Variants in TRHDE observed in about 807,000 individuals in gnomAD.
TRHDE encodes the protein thyrotropin-releasing hormone-degrading ectoenzyme.
TRHDE carries 72 observed loss-of-function variants against 125.7 expected under a neutral mutation model. The ratio of observed to expected loss-of-function variants is 0.57; its 90% confidence interval spans 0.47 to 0.70. TRHDE has a LOEUF of 0.70. Among genes scored for constraint, TRHDE ranks in the 30% least tolerant of loss-of-function variants. TRHDE has a pLI of 0.00. For synonymous variants in TRHDE, 509 were observed against 509.1 expected, an observed-to-expected ratio of 1.00 and a Z score of 0.00; for missense variants, 1,110 against 1,327.1, an observed-to-expected ratio of 0.84 and a Z score of 2.54.
At chr12:72,439,382 C>T (rs1874893721) in intron 3 of TRHDE, among the ~76,000 whole-genome samples, 1 of 151,716 alleles carries the variant, frequency 6.6e-6, no homozygotes, top group South Asian at 2.1e-4. Context: ...CTATAAATTG[C>T]TTTGAGTAAT....
At chr12:72,173,628 A>C (rs545757624) in intron 2 of TRHDE, among the ~76,000 whole-genome samples, 1 of 152,260 alleles carries the variant, frequency 6.6e-6, no homozygotes, top group South Asian at 2.1e-4. Context: ...CCAATACTTC[A>C]ATGGGACTTA....
At chr12:72,479,617 A>G (rs555534552) in intron 5 of TRHDE, among the ~76,000 whole-genome samples, 82 of 149,738 alleles carry the variant, frequency 5.5e-4, no homozygotes, top group Non-Finnish European at 9.5e-4. Context: ...AATTAAAAAA[A>G]TTATACATGT....
intron 2 of TRHDE, among the ~76,000 whole-genome samples, chr12:72,130,914 T>G (rs1191820064): frequency 6.6e-6 from 1 of 152,130 alleles, no homozygotes; most frequent in Non-Finnish European, 1.5e-5. Context: ...TCCTGGTGGA[T>G]TGTAAACTGG....
intron 7 of TRHDE, among the ~76,000 whole-genome samples, chr12:72,549,944 A>G (rs1010249906): frequency 4.0e-5 from 6 of 151,784 alleles, no homozygotes; most frequent in Non-Finnish European, 7.4e-5. Context: ...AATATTAACT[A>G]AAAAACTCGT....
chr12:72,652,581 T>C (rs1874549646), intron 16 of TRHDE, 92 bp downstream of exon 16: 1 of 902,188 alleles, frequency 1.1e-6, no homozygotes, highest in South Asian at 2.0e-5. Flanking sequence ...CTTGAATATA[T>C]GCTAGTTATT....
rs1326445240 is a variant in TRHDE, at chr12:72,240,311, ATATATATATATATATATTTGTGTG to A, written n.279+134573_279+134596del. Reference sequence around the variant, plus strand: ...GGTATGTCCTTCTCACATTTTATATATATATATATATATATATTTGTGTGTATATATATATATTTGTGTATATAT... The same window carrying A: ...GGTATGTCCTTCTCACATTTTATATATATATATATATATTTGTGTATATAT... On this transcript the variant is annotated intron_variant and non_coding_transcript_variant, in intron 2 of 4. Transcript: ENST00000548156. Among the ~76,000 whole-genome samples, 31 of 145,896 alleles carry A rather than the reference ATATATATATATATATATTTGTGTG, an allele frequency of 2.1e-4. No individual in the cohort carries two copies. The East Asian group carries it at 4.7e-3, about 22-fold the overall frequency.
At chr12:72,369,769 T>C (rs768970774) in intron 2 of TRHDE, among the ~76,000 whole-genome samples, 6 of 152,124 alleles carry the variant, frequency 3.9e-5, no homozygotes, top group Non-Finnish European at 5.9e-5. Flanking sequence ...GTTTGGTTTA[T>C]ATTGGTTGTT....
intron 3 of TRHDE, among the ~76,000 whole-genome samples, chr12:72,380,261 A>C (rs1051038019): frequency 6.6e-6 from 1 of 152,224 alleles, no homozygotes; most frequent in African/African-American, 2.4e-5. Context: ...TGAATGAACA[A>C]GGCAAAAATC....
intron 3 of TRHDE, among the ~76,000 whole-genome samples, chr12:72,437,018 C>G (rs1462562174): frequency 6.6e-6 from 1 of 151,768 alleles, no homozygotes; most frequent in Admixed American, 6.6e-5. Context: ...ATACATATAT[C>G]TATATCCCCT....
intron 6 of TRHDE, among the ~76,000 whole-genome samples, chr12:72,540,906 A>G (rs1397833546): frequency 1.3e-5 from 2 of 151,726 alleles, no homozygotes; most frequent in African/African-American, 4.8e-5. Flanking sequence ...AGAATAAAAT[A>G]CTGACTTGGG....
At chr12:72,232,386 G>C (rs1822265038) in intron 2 of TRHDE, among the ~76,000 whole-genome samples, 1 of 152,126 alleles carries the variant, frequency 6.6e-6, no homozygotes, top group Non-Finnish European at 1.5e-5. Context: ...CTGCCTCCAG[G>C]TGTGTGAAAG....
intron 3 of TRHDE, among the ~76,000 whole-genome samples, chr12:72,407,684 T>A (rs562276095): frequency 6.6e-6 from 1 of 152,346 alleles, no homozygotes; most frequent in South Asian, 2.1e-4. Context: ...ATCATTTAAT[T>A]CACTTTTCTC....
chr12:72,593,563 C>T (rs542505690), intron 12 of TRHDE, among the ~76,000 whole-genome samples: 4 of 151,846 alleles, frequency 2.6e-5, no homozygotes, highest in Non-Finnish European at 4.4e-5. Context: ...CTGTGCACAA[C>T]GTGCAGGTTT....
intron 2 of TRHDE, among the ~76,000 whole-genome samples, chr12:72,128,491 A>G (rs1044353476): frequency 6.6e-6 from 1 of 152,234 alleles, no homozygotes; most frequent in Admixed American, 6.5e-5. Flanking sequence ...GAACTGACAC[A>G]GATGTTAAAT....
intron 1 of TRHDE, among the ~76,000 whole-genome samples, chr12:72,088,767 G>T (rs377110038): frequency 6.6e-6 from 1 of 151,984 alleles, no homozygotes; most frequent in East Asian, 1.9e-4. Context: ...GTAGGGCTCA[G>T]ACTTTGATCT....
chr12:72,482,300 T>A (rs1877210189), intron 5 of TRHDE, among the ~76,000 whole-genome samples: 1 of 151,884 alleles, frequency 6.6e-6, no homozygotes, highest in Non-Finnish European at 1.5e-5. Flanking sequence ...CTGTCAGAAG[T>A]AGCTTTTTTA....
intron 2 of TRHDE, among the ~76,000 whole-genome samples, chr12:72,173,906 T>C (rs1462400970): frequency 2.0e-5 from 3 of 152,180 alleles, no homozygotes; most frequent in African/African-American, 4.8e-5. Flanking sequence ...TTAATTATAG[T>C]ATGATGCATT....
chr12:72,393,822 G>T (rs1872693034), intron 3 of TRHDE, among the ~76,000 whole-genome samples: 1 of 152,088 alleles, frequency 6.6e-6, no homozygotes, highest in South Asian at 2.1e-4. Flanking sequence ...GTATCATAAA[G>T]ATATTACTAT....
chr12:72,244,508 T>A (rs1878538704), intron 2 of TRHDE, among the ~76,000 whole-genome samples: 1 of 151,894 alleles, frequency 6.6e-6, no homozygotes, highest in South Asian at 2.1e-4. Context: ...AAGAGACAAA[T>A]TCCCAATAAA....
Sources: allele counts gnomAD v4.1 joint callset (sites outside exome capture counted in the v4.1 genomes callset), GRCh38; gene constraint gnomAD v4.1.1; transcripts MANE v1.5; gene names NCBI Gene and HGNC (gene_info 2026-07-23, HGNC 2026-07-21).